The following ZNF207 variants were observed in gnomAD, a reference collection of about 807,000 sequenced individuals.
The protein encoded by ZNF207 is BUB3-interacting and GLEBS motif-containing protein ZNF207.
Under a neutral mutation model 60.2 loss-of-function variants are expected in ZNF207, and 24 were observed. The observed-to-expected ratio is 0.40, with a 90% CI of 0.29 to 0.56. The LOEUF (loss-of-function observed/expected upper bound fraction) is 0.56, where lower values mean the gene tolerates loss of function less well. ZNF207 is among the 20% of genes least tolerant of loss of function. The pLI is 0.49. For synonymous variants in ZNF207, 236 were observed against 194.7 expected, an observed-to-expected ratio of 1.21 and a Z score of -1.77; for missense variants, 452 against 636.6, an observed-to-expected ratio of 0.71 and a Z score of 3.12.
chr17:32,357,342 A>ATT lies in ZNF207; in HGVS notation c.169-1160_169-1159dup, dbSNP rs1364261997. Among the ~76,000 whole-genome samples the ATT allele has an allele frequency of 1.1e-3, 74 of 64,406 alleles. 2 individuals carry two copies. The highest frequency in any genetic ancestry group is 4.4e-3 in the African/African-American group (50 of 11,420). The allele number at this position is 64,406 out of a possible 152,430, so 42.3% of individuals were successfully genotyped here. A position where few individuals can be genotyped will look rare whatever the true frequency, so the allele number is the denominator to read the frequency against. On this transcript the variant is annotated intron_variant, in intron 2 of 11. Transcript: ENST00000394670. ...TATTATTATTATTATTATTATTATT[A>ATT]TTATTATTATTTTTTTTTTTTTTTG... is the stretch of plus-strand genomic sequence containing the variant.
At chr17:32,364,946 T>C (rs1905092721) in intron 7 of ZNF207, among the ~76,000 whole-genome samples, 2 of 152,254 alleles carry the variant, frequency 1.3e-5, no homozygotes. Context: ...TTTTTATTGT[T>C]CATGATATTT....
In ZNF207 at chr17:32,376,755, A is replaced by G. The variant is rs2150807874; in HGVS notation, c.*6996A>G. 6.6e-6 allele frequency: 1 copy of G among 152,186 alleles called. No individual in the cohort carries two copies. The highest frequency in any genetic ancestry group is 1.9e-4 in the East Asian group (1 of 5,188). The allele number at this position is 152,186 out of a possible 1,614,324, so 9.4% of individuals were successfully genotyped here. ...ATCCGTTATGAGAATGTTTATGTTT[A>G]TGTTTTAATTTTTATCAAAATAACC... On this transcript the variant is annotated 3_prime_UTR_variant, in exon 12 of 12. Coordinates refer to ENST00000394670, the MANE Select transcript of ZNF207 (RefSeq NM_001098507.2).
In ZNF207 at chr17:32,360,766, G is replaced by GT; in HGVS notation, c.475+2dup. The GT allele has an allele frequency of 6.2e-7, 1 of 1,613,888 alleles. No individual in the cohort carries two copies. Reference sequence around the variant, plus strand: ...CCAGGAGCACCAGGAATGCCTCCAGGTAGCACATAGGATTGCTTAAAATCT... The same window carrying GT: ...CCAGGAGCACCAGGAATGCCTCCAGGTTAGCACATAGGATTGCTTAAAATCT... On this transcript the variant is annotated splice_donor_variant, in intron 4 of 11. Coordinates refer to ENST00000394670, the MANE Select transcript of ZNF207 (RefSeq NM_001098507.2). LOFTEE classifies it high-confidence loss of function.
chr17:32,356,702 T>TTGA (rs1432345929), intron 2 of ZNF207, among the ~76,000 whole-genome samples: 1 of 152,230 alleles, frequency 6.6e-6, no homozygotes, highest in Non-Finnish European at 1.5e-5. Context: ...CCAGAAAGGC[T>TTGA]TGATAGTCTA....
chr17:32,360,180 C>CT (rs935180929), intron 3 of ZNF207, among the ~76,000 whole-genome samples: 1 of 107,602 alleles, frequency 9.3e-6, no homozygotes, highest in Non-Finnish European at 2.1e-5. Flanking sequence ...ACCTTTACCC[C>CT]CCCCCCAAAA....
Position 32,366,651 on chromosome 17 carries a change from C to T in ZNF207, c.829-14C>T, listed in dbSNP as rs773296765. The T allele has an allele frequency of 7.6e-6, 12 of 1,587,662 alleles. No homozygotes were observed. The highest frequency in any genetic ancestry group is 9.4e-6 in the Non-Finnish European group (11 of 1,171,064). On this transcript the variant is annotated splice_polypyrimidine_tract_variant and intron_variant, in intron 8 of 11. Transcript: ENST00000394670. ...TTGGAGACTTTTCATTGTTTCCTTT[C>T]TTTTATGCTACAGATGGGGACACCT...
rs371252345 is a variant in ZNF207, at chr17:32,369,699, G to T, written c.1425G>T (p.Gly475=). The part of the protein sequence containing the change: ...GPPMVPPYQG[G]PPRPPMGMRP... ...CAATGGTGCCCCCTTACCAGGGTGG[G>T]CCTCCTCGACCTCCGATGGGAATGA... The change falls in exon 12 of 12, where the codon GGG becomes GGT. Residue 475 remains glycine (G), a synonymous_variant. Transcript: ENST00000394670. 64 of 1,594,374 alleles carry T rather than the reference G, an allele frequency of 4.0e-5. No homozygotes were observed. In the African/African-American group the frequency reaches 6.9e-4, roughly 17 times the overall value.
In ZNF207 at chr17:32,372,782, C is replaced by G. The variant is rs1252241482; in HGVS notation, c.*3023C>G. The G allele has an allele frequency of 6.6e-6, 1 of 152,174 alleles. No homozygotes were observed. Among genetic ancestry groups the G allele is most frequent in the Non-Finnish European group, 1.5e-5 (1 of 68,036 alleles). 9.4% of individuals were successfully genotyped at this position (152,174 alleles called of 1,614,324 possible). On this transcript the variant is annotated 3_prime_UTR_variant, in exon 12 of 12. Coordinates refer to ENST00000394670, the MANE Select transcript of ZNF207 (RefSeq NM_001098507.2). ...GCAAATTATATTCATATAATTAACTCTGACTCAACCTTCCTTAAGTAGTAG... is the reference window on the plus strand; with the variant it reads ...GCAAATTATATTCATATAATTAACTGTGACTCAACCTTCCTTAAGTAGTAG...
chr17:32,367,653 A>C, intron 9 of ZNF207, 119 bp from the exon 10 acceptor site: 8 of 1,294,810 alleles, frequency 6.2e-6, no homozygotes, highest in Non-Finnish European at 8.5e-6. Flanking sequence ...ACTTTGTATT[A>C]ATTTCATTTA....
chr17:32,354,456 ATG>A (rs1436300901), intron 2 of ZNF207, among the ~76,000 whole-genome samples: 2 of 152,016 alleles, frequency 1.3e-5, no homozygotes, highest in African/African-American at 2.4e-5. Flanking sequence ...GATTACAGGC[ATG>A]CACCACCGTG....
At chr17:32,361,710 A>G (rs1196886955) in intron 6 of ZNF207, among the ~76,000 whole-genome samples, 195 bp downstream of exon 6, 1 of 152,264 alleles carries the variant, frequency 6.6e-6, no homozygotes, top group Non-Finnish European at 1.5e-5. Flanking sequence ...ATAGACCCAT[A>G]TAAACATACT....
rs1281288114 is a variant in ZNF207 at position 32,358,399 on chromosome 17, A to G, written c.169-104A>G. On this transcript the variant is annotated intron_variant, in intron 2 of 11. Transcript: ENST00000394670. The stretch of plus-strand genomic sequence containing the variant: ...TGGCAAAACTGGGAATTGGCTCTAC[A>G]TGGCCTCACTATAGAACATTTATTC... 6 of 1,134,670 alleles carry G rather than the reference A, an allele frequency of 5.3e-6. No homozygotes were observed. The African/African-American group carries it at 8.3e-5, about 16-fold the overall frequency. 70.3% of individuals were successfully genotyped at this position (1,134,670 alleles called of 1,614,324 possible). A position where few individuals can be genotyped will look rare whatever the true frequency, so the allele number is the denominator to read the frequency against.
chr17:32,351,926 T>C lies in ZNF207; in HGVS notation c.168+14T>C. On this transcript the variant is annotated intron_variant, in intron 2 of 11. Transcript: ENST00000394670. ...CATTGCATGCAGGTAAGGATTTTTC[T>C]TCTGTATTTATTGTCCGCTTGTGAT... 6.5e-7 allele frequency: 1 copy of C among 1,528,358 alleles called. No individual in the cohort carries two copies. The highest frequency in any genetic ancestry group is 8.8e-7 in the Non-Finnish European group (1 of 1,136,050). 94.7% of individuals were successfully genotyped at this position (1,528,358 alleles called of 1,614,324 possible). A position where few individuals can be genotyped will look rare whatever the true frequency, so the allele number is the denominator to read the frequency against.
In ZNF207 at chr17:32,376,933, G is replaced by T. The variant is rs1172406605; in HGVS notation, c.*7174G>T. The T allele has an allele frequency of 6.6e-6, 1 of 151,980 alleles. No homozygotes were observed. The highest frequency in any genetic ancestry group is 6.6e-5 in the Admixed American group (1 of 15,266). The allele number at this position is 151,980 out of a possible 1,614,324, so 9.4% of individuals were successfully genotyped here. A position where few individuals can be genotyped will look rare whatever the true frequency, so the allele number is the denominator to read the frequency against. On this transcript the variant is annotated 3_prime_UTR_variant, in exon 12 of 12. Transcript: ENST00000394670. ...TGTAAAAAGGTGAAGTACTTTATTG[G>T]CATTTTCTAAGCCCTCTGACATTGT...
At position 32,378,568 on chromosome 17, in the gene ZNF207, A is replaced by G. The variant is rs781180825; in HGVS notation, c.*8809A>G. On this transcript the variant is annotated 3_prime_UTR_variant, in exon 12 of 12. Transcript: ENST00000394670. ...CAGTGAGTTCATTTTACTGTAAACTAAGAATAACATACCTTTTTAATACTG... is the reference window on the plus strand; with the variant it reads ...CAGTGAGTTCATTTTACTGTAAACTGAGAATAACATACCTTTTTAATACTG... 6.6e-6 allele frequency: 1 copy of G among 152,080 alleles called. No homozygotes were observed. The highest frequency in any genetic ancestry group is 2.4e-5 in the African/African-American group (1 of 41,450). The allele number at this position is 152,080 out of a possible 1,614,324, so 9.4% of individuals were successfully genotyped here.
rs116039275 is a variant in ZNF207 at position 32,368,194 on chromosome 17, T to C, written c.1164+180T>C. ...ATAAAATACTTAAAGTGGACAGATA[T>C]TGCATGTTTTGGTCTTAGATGGTTT... On this transcript the variant is annotated intron_variant, in intron 10 of 11. Transcript: ENST00000394670. 2.1e-3 allele frequency: 1,901 copies of C among 891,038 alleles called. 22 individuals are homozygous for C. The African/African-American group carries it at 0.026, about 12-fold the overall frequency. 55.2% of individuals were successfully genotyped at this position (891,038 alleles called of 1,614,324 possible). A position where few individuals can be genotyped will look rare whatever the true frequency, so the allele number is the denominator to read the frequency against.
At chr17:32,361,093 C>A (rs1322241405) in intron 5 of ZNF207, 126 bp downstream of exon 5, 11 of 949,488 alleles carry the variant, frequency 1.2e-5, no homozygotes, top group Non-Finnish European at 1.7e-5. Flanking sequence ...CTCTATATAT[C>A]TTGTCTAATA....
chr17:32,352,241 A>AT (rs1346374209), intron 2 of ZNF207, among the ~76,000 whole-genome samples: 1 of 152,050 alleles, frequency 6.6e-6, no homozygotes, highest in African/African-American at 2.4e-5. Flanking sequence ...GAGTGCTGGG[A>AT]TTACAGGCGT....
intron 3 of ZNF207, among the ~76,000 whole-genome samples, chr17:32,360,172 C>A: frequency 9.1e-6 from 1 of 109,608 alleles, no homozygotes. Flanking sequence ...AAGACCTCAC[C>A]TTTACCCCCC....
Sources: allele counts gnomAD v4.1 joint callset (sites outside exome capture counted in the v4.1 genomes callset), GRCh38; gene constraint gnomAD v4.1.1; transcripts MANE v1.5; gene names NCBI Gene and HGNC (gene_info 2026-07-23, HGNC 2026-07-21).